The following NEMP1 variants were observed in gnomAD, a reference collection of about 807,000 sequenced individuals.
The protein encoded by NEMP1 is nuclear envelope integral membrane protein 1.
In NEMP1, 29 loss-of-function variants were observed where a neutral mutation model predicts 53.7. That is an observed-to-expected ratio of 0.54 (90% confidence interval 0.40 to 0.74). NEMP1 has a LOEUF of 0.74. NEMP1 is among the 30% of genes least tolerant of loss of function. The pLI is 0.00. For synonymous variants in NEMP1, 193 were observed against 192.9 expected (o/e 1.00, Z 0.00); for missense variants, 477 against 528.6 (o/e 0.90, Z 0.96).
upstream of NEMP1, among the ~76,000 whole-genome samples, chr12:57,079,168 C>T (rs1187451277): frequency 6.6e-6 from 1 of 152,158 alleles, no homozygotes; most frequent in African/African-American, 2.4e-5. Flanking sequence ...TTTATCACGA[C>T]CTTTCTGTTA....
chr12:57,080,166 A>G (rs1223513463), upstream of NEMP1, among the ~76,000 whole-genome samples: 1 of 152,170 alleles, frequency 6.6e-6, no homozygotes, highest in Non-Finnish European at 1.5e-5. Context: ...ATATCTTGCT[A>G]TGTTGCCCAG....
intron 7 of NEMP1, 101 bp downstream of exon 7, chr12:57,063,018 A>G (rs1299953056): frequency 2.2e-6 from 2 of 891,196 alleles, no homozygotes; most frequent in Non-Finnish European, 3.6e-6. Flanking sequence ...ATGACTTTTC[A>G]TTAACAAAGA....
At chr12:57,087,776 G>T (rs550556558) in intron 1 of NEMP1, among the ~76,000 whole-genome samples, 3 of 152,220 alleles carry the variant, frequency 2.0e-5, no homozygotes, top group South Asian at 4.2e-4. Flanking sequence ...ACAGAGAGGC[G>T]GGGCGGGGCT....
intron 4 of NEMP1, among the ~76,000 whole-genome samples, chr12:57,068,789 A>G (rs1208998102): frequency 6.6e-6 from 1 of 152,058 alleles, no homozygotes; most frequent in Non-Finnish European, 1.5e-5. Context: ...GATGGTCTCG[A>G]TCTCCTGACC....
In NEMP1 at chr12:57,074,292, ATT is replaced by A. The variant is rs71084728; in HGVS notation, c.128-1382_128-1381del. Among the ~76,000 whole-genome samples, 432 of 128,748 alleles carry A rather than the reference ATT, an allele frequency of 3.4e-3. 2 individuals are homozygous for A. Among genetic ancestry groups the A allele is most frequent in the African/African-American group, 0.011 (376 of 34,274 alleles). The allele number at this position is 128,748 out of a possible 152,430, so 84.5% of individuals were successfully genotyped here. A position where few individuals can be genotyped will look rare whatever the true frequency, so the allele number is the denominator to read the frequency against. On this transcript the variant is annotated intron_variant, in intron 1 of 8. Transcript: ENST00000300128. ...AGATCTGCCACCATGCCCAGCCAGC[ATT>A]TTTTTTTTTTTTTTTCAGACAGGGT...
chr12:57,075,500 C>CAATA (rs71084729), intron 1 of NEMP1, among the ~76,000 whole-genome samples: 13,217 of 144,676 alleles, frequency 0.091, 818 homozygotes, highest in Admixed American at 0.17. Flanking sequence ...ATCTCAATAT[C>CAATA]AATAAATAAA....
upstream of NEMP1, among the ~76,000 whole-genome samples, chr12:57,079,178 A>G (rs949974063): frequency 6.6e-6 from 1 of 152,180 alleles, no homozygotes; most frequent in Admixed American, 6.5e-5. Flanking sequence ...CCTTTCTGTT[A>G]TGAGACGCCT....
At chr12:57,076,014 G>A (rs2032600789) in intron 1 of NEMP1, among the ~76,000 whole-genome samples, 1 of 151,952 alleles carries the variant, frequency 6.6e-6, no homozygotes, top group Non-Finnish European at 1.5e-5. Context: ...TGAGGTAGGA[G>A]AATCGCTTGA....
chr12:57,074,433 A>AAT (rs1466848848), intron 1 of NEMP1, among the ~76,000 whole-genome samples: 1 of 151,856 alleles, frequency 6.6e-6, no homozygotes, highest in Non-Finnish European at 1.5e-5. Context: ...CTGGCATTAC[A>AAT]GGCATGAGCC....
intron 4 of NEMP1, among the ~76,000 whole-genome samples, chr12:57,066,473 G>A (rs1396979092): frequency 6.6e-6 from 1 of 152,068 alleles, no homozygotes; most frequent in Non-Finnish European, 1.5e-5. Context: ...GGTCTGTCTT[G>A]GCTTTTGCTG....
At chr12:57,069,052 G>A (rs144618938) in intron 4 of NEMP1, among the ~76,000 whole-genome samples, 182 bp downstream of exon 4, 1 of 152,138 alleles carries the variant, frequency 6.6e-6, no homozygotes, top group Non-Finnish European at 1.5e-5. Context: ...TGTCAACATT[G>A]TTCAAATAAG....
At chr12:57,080,044 C>T (rs2032797789), upstream of NEMP1, among the ~76,000 whole-genome samples, 1 of 152,156 alleles carries the variant, frequency 6.6e-6, no homozygotes, top group Non-Finnish European at 1.5e-5. Context: ...ACTGCAGCCT[C>T]GAACTCCCAG....
rs1294747016 is a variant in NEMP1, at chr12:57,078,729, T to G, written c.17A>C (p.Lys6Thr). 2 of 1,612,094 alleles carry G rather than the reference T, an allele frequency of 1.2e-6. No homozygotes were observed. The highest frequency in any genetic ancestry group is 1.7e-6 in the Non-Finnish European group (2 of 1,178,874). The change falls in exon 1 of 9, where the codon AAA becomes ACA. Residue 6 changes from lysine to threonine, a missense_variant. Coordinates refer to ENST00000300128, the MANE Select transcript of NEMP1 (RefSeq NM_001130963.2). MAGGM[K>T]VAVSPAVGPG... ...ACCAACTGCCGGCGAGACCGCCACT[T>G]TCATTCCTCCCGCCATGGTTGCCTC...
In NEMP1 at chr12:57,056,986, T is replaced by C. The variant is rs1170956862; in HGVS notation, c.*2893A>G. 1 of 152,234 alleles carries C rather than the reference T, an allele frequency of 6.6e-6. No homozygotes were observed. 9.4% of individuals were successfully genotyped at this position (152,234 alleles called of 1,614,324 possible). ...ACTAGTTTTGGTGGGATGCAGTGGC[T>C]AACAGGAATTACTTATTAGAAGGTA... is the stretch of plus-strand genomic sequence containing the variant. On this transcript the variant is annotated 3_prime_UTR_variant, in exon 9 of 9. Transcript: ENST00000300128.
upstream of NEMP1, among the ~76,000 whole-genome samples, chr12:57,080,907 A>G (rs2136525812): frequency 6.6e-6 from 1 of 152,052 alleles, no homozygotes; most frequent in South Asian, 2.1e-4. Flanking sequence ...AAAAAAAAAA[A>G]AAAGTCAAAA....
intron 4 of NEMP1, among the ~76,000 whole-genome samples, chr12:57,065,496 G>A (rs1176482884): frequency 1.3e-5 from 2 of 151,158 alleles, no homozygotes; most frequent in Non-Finnish European, 1.5e-5. Flanking sequence ...ACTTGCTACA[G>A]CTTCTATATC....
intron 3 of NEMP1, 28 bp from the exon 4 acceptor site, chr12:57,069,334 T>C (rs2032241667): frequency 1.4e-6 from 2 of 1,458,002 alleles, no homozygotes; most frequent in Non-Finnish European, 1.9e-6. Context: ...TTTTGCTTAA[T>C]AAGGGAACAA....
At chr12:57,081,012 AC>A (rs2032832068), upstream of NEMP1, among the ~76,000 whole-genome samples, 1 of 152,200 alleles carries the variant, frequency 6.6e-6, no homozygotes, top group African/African-American at 2.4e-5. Flanking sequence ...TTTCACACAC[AC>A]ACTCCCTCAG....
intron 1 of NEMP1, among the ~76,000 whole-genome samples, chr12:57,076,037 G>A (rs1332436325): frequency 9.9e-5 from 15 of 151,158 alleles, no homozygotes; most frequent in South Asian, 2.1e-4. Context: ...CTAGGTGGCC[G>A]AGATGGCACC....
Sources: allele counts gnomAD v4.1 joint callset (sites outside exome capture counted in the v4.1 genomes callset), GRCh38; gene constraint gnomAD v4.1.1; transcripts MANE v1.5; gene names NCBI Gene and HGNC (gene_info 2026-07-23, HGNC 2026-07-21).